Variants in OR2T11 observed in about 807,000 individuals in gnomAD.
The protein encoded by OR2T11 is olfactory receptor family 2 subfamily T member 11, also known as olfactory receptor 2T11.
Under a neutral mutation model 13.5 loss-of-function variants are expected in OR2T11, and 14 were observed. The ratio of observed to expected loss-of-function variants is 1.04; its 90% confidence interval spans 0.69 to 1.62. OR2T11 has a LOEUF of 1.62. Among genes scored for constraint, OR2T11 ranks in the 40% most tolerant of loss-of-function variants. OR2T11 has a pLI of 0.00. For synonymous variants in OR2T11, 163 were observed against 154.6 expected (o/e 1.05, Z -0.40); for missense variants, 410 against 389.7 (o/e 1.05, Z -0.44).
At position 248,626,532 on chromosome 1, in the gene OR2T11, G is replaced by A. The variant is rs1402314408; in HGVS notation, c.597C>T (p.Cys199=). The A allele has an allele frequency of 1.9e-6, 3 of 1,567,028 alleles. 1 individual carries two copies. The highest frequency in any genetic ancestry group is 2.6e-6 in the Non-Finnish European group (3 of 1,151,012). ...TSLYETLMYI[C]CVLMLLIPIS... ...TGGGGATGAGCAACATGAGGACACAGCAGATGTACATCAGAGTTTCATACA... is the reference window on the plus strand; with the variant it reads ...TGGGGATGAGCAACATGAGGACACAACAGATGTACATCAGAGTTTCATACA... The change falls in exon 2 of 2, where the codon TGC becomes TGT. Residue 199 remains cysteine (C), a synonymous_variant. Coordinates refer to ENST00000641193, the MANE Select transcript of OR2T11 (RefSeq NM_001001964.2).
chr1:248,627,207 G>T lies in OR2T11; in HGVS notation c.-79C>A. On this transcript the variant is annotated 5_prime_UTR_variant, in exon 2 of 2. Transcript: ENST00000641193. ...GAGGCAAGAGAACACGGTCAAGATG[G>T]GAAAGGTCTGCAGTAGAGGTGACAC... is the stretch of plus-strand genomic sequence containing the variant. 1.2e-6 allele frequency: 1 copy of T among 832,124 alleles called. No homozygotes were observed. The allele number at this position is 832,124 out of a possible 1,614,324, so 51.5% of individuals were successfully genotyped here. A position where few individuals can be genotyped will look rare whatever the true frequency, so the allele number is the denominator to read the frequency against.
intron 1 of OR2T11, among the ~76,000 whole-genome samples, chr1:248,630,388 TAA>T (rs2103103072): frequency 8.2e-5 from 1 of 12,262 alleles, no homozygotes; most frequent in South Asian, 8.2e-3. Context: ...CGCTCTGGTT[TAA>T]AATACTTATA....
rs1389103830 is a variant in OR2T11, at chr1:248,623,898, T to C, written c.*2280A>G. ...CAACCCAGATGTCTCTACTAGCTTATTAACTTACCTCTTCTCCAAGATGAT... is the reference window on the plus strand; with the variant it reads ...CAACCCAGATGTCTCTACTAGCTTACTAACTTACCTCTTCTCCAAGATGAT... On this transcript the variant is annotated 3_prime_UTR_variant, in exon 2 of 2. Coordinates refer to ENST00000641193, the MANE Select transcript of OR2T11 (RefSeq NM_001001964.2). The C allele has an allele frequency of 7.1e-6, 1 of 140,874 alleles. No homozygotes were observed. Among genetic ancestry groups the C allele is most frequent in the Non-Finnish European group, 1.5e-5 (1 of 65,138 alleles). 8.7% of individuals were successfully genotyped at this position (140,874 alleles called of 1,614,324 possible).
intron 1 of OR2T11, among the ~76,000 whole-genome samples, chr1:248,632,382 G>A (rs568156560): frequency 7.2e-6 from 1 of 138,252 alleles, no homozygotes; most frequent in South Asian, 2.3e-4. Context: ...GGCCAACTGT[G>A]TAGTCAGACT....
chr1:248,629,262 G>A (rs1660569989), intron 1 of OR2T11, among the ~76,000 whole-genome samples: 1 of 142,232 alleles, frequency 7.0e-6, no homozygotes, highest in East Asian at 2.0e-4. Flanking sequence ...GCGTGGTGGT[G>A]CACGTCAGTC....
rs566664835 is a variant in OR2T11, at chr1:248,628,774, C to T, written c.-144-1502G>A. ...TTAAATTGGCTTACTCCCAATTTCC[C>T]TCTGATTGATATATTCATATTACTG... On this transcript the variant is annotated intron_variant, in intron 1 of 1. Transcript: ENST00000641193. 1.4e-5 allele frequency among the ~76,000 whole-genome samples: 2 copies of T among 142,384 alleles called. 1 individual carries two copies. Among genetic ancestry groups the T allele is most frequent in the African/African-American group, 5.6e-5 (2 of 36,010 alleles). 93.4% of individuals were successfully genotyped at this position (142,384 alleles called of 152,430 possible). A position where few individuals can be genotyped will look rare whatever the true frequency, so the allele number is the denominator to read the frequency against.
intron 1 of OR2T11, among the ~76,000 whole-genome samples, chr1:248,629,551 ATCCC>A (rs1487631440): frequency 7.1e-6 from 1 of 140,392 alleles, no homozygotes; most frequent in Non-Finnish European, 1.5e-5. Context: ...TGTCTCATGA[ATCCC>A]TCCAAGTCTA....
At position 248,626,499 on chromosome 1, in the gene OR2T11, G is replaced by T; in HGVS notation, c.630C>A (p.Ile210=). The T allele has an allele frequency of 6.4e-7, 1 of 1,572,092 alleles. No homozygotes were observed. Among genetic ancestry groups the T allele is most frequent in the Non-Finnish European group, 8.7e-7 (1 of 1,155,752 alleles). Residue 210 remains isoleucine (I), a synonymous_variant, in exon 2 of 2, where the codon ATC becomes ATA. Coordinates refer to ENST00000641193, the MANE Select transcript of OR2T11 (RefSeq NM_001001964.2). ...AGATGAGGGAGTAGGAAGTGGAGAT[G>T]ATAGAGATGGGGATGAGCAACATGA... ...CVLMLLIPIS[I]ISTSYSLILL... is the part of the protein sequence containing the mutation.
In OR2T11 at chr1:248,631,415, CAG is replaced by C. The variant is rs1287403479; in HGVS notation, c.-145+3621_-145+3622del. 5.6e-5 allele frequency among the ~76,000 whole-genome samples: 8 copies of C among 143,058 alleles called. 1 individual carries two copies. The highest frequency in any genetic ancestry group is 2.2e-4 in the African/African-American group (8 of 36,220). The allele number at this position is 143,058 out of a possible 152,430, so 93.9% of individuals were successfully genotyped here. On this transcript the variant is annotated intron_variant, in intron 1 of 1. Coordinates refer to ENST00000641193, the MANE Select transcript of OR2T11 (RefSeq NM_001001964.2). Reference sequence around the variant, plus strand: ...TCTCACAGCTGGTAAAACTGAGGCTCAGAGTCAGGTGGGAGGAGCTGGATCCA... The same window carrying C: ...TCTCACAGCTGGTAAAACTGAGGCTCAGTCAGGTGGGAGGAGCTGGATCCA...
rs1371462200 is a variant in OR2T11, at chr1:248,624,349, T to TC, written c.*1828dup. ...TACTCAACTTACCTTATCCACTTCC[T>TC]CCCCCTTGATTTTACCCTGAATCAT... On this transcript the variant is annotated 3_prime_UTR_variant, in exon 2 of 2. Transcript: ENST00000641193. 3 of 142,728 alleles carry TC rather than the reference T, an allele frequency of 2.1e-5. No individual in the cohort carries two copies. The highest frequency in any genetic ancestry group is 1.4e-4 in the Admixed American group (2 of 14,636). The allele number at this position is 142,728 out of a possible 1,614,324, so 8.8% of individuals were successfully genotyped here. A position where few individuals can be genotyped will look rare whatever the true frequency, so the allele number is the denominator to read the frequency against.
rs1425394116 is a variant in OR2T11, at chr1:248,626,796, G to C, written c.333C>G (p.Leu111=). 1.3e-6 allele frequency: 2 copies of C among 1,569,914 alleles called. No individual in the cohort carries two copies. The highest frequency in any genetic ancestry group is 4.6e-5 in the East Asian group (2 of 43,654). Residue 111 remains leucine (L), a synonymous_variant, in exon 2 of 2, where the codon CTC becomes CTG. Transcript: ENST00000641193. ...YLTMIGSEFF[L]LGLMAYDCYV... Reference sequence around the variant, plus strand: ...AGCAGTCATAGGCCATGAGGCCCAGGAGGAAGAACTCAGAACCAATCATGG... The same window carrying C: ...AGCAGTCATAGGCCATGAGGCCCAGCAGGAAGAACTCAGAACCAATCATGG...
chr1:248,626,123 A>G lies in OR2T11; in HGVS notation c.*55T>C. 2.0e-6 allele frequency: 2 copies of G among 979,338 alleles called. 1 individual carries two copies. Among genetic ancestry groups the G allele is most frequent in the Non-Finnish European group, 3.1e-6 (2 of 635,148 alleles). The allele number at this position is 979,338 out of a possible 1,614,324, so 60.7% of individuals were successfully genotyped here. On this transcript the variant is annotated 3_prime_UTR_variant, in exon 2 of 2. Transcript: ENST00000641193. The stretch of plus-strand genomic sequence containing the variant: ...TAGCTGAGCAGATCATCTCCAGGGA[A>G]ACAGGGCAAATGGAGGAAGTCCTTA...
rs1660513494 is a variant in OR2T11, at chr1:248,626,179, T to TA, written c.949dup (p.Ter317LeufsTer12). On this transcript the variant is annotated frameshift_variant and stop_lost, in exon 2 of 2. Coordinates refer to ENST00000641193, the MANE Select transcript of OR2T11 (RefSeq NM_001001964.2). LOFTEE classifies it high-confidence loss of function. Reference sequence around the variant, plus strand: ...CCTTATCCTCTGGGCAGTGACTCTCTAAGCATCACTTGTTGCTACTTTCTG... The same window carrying TA: ...CCTTATCCTCTGGGCAGTGACTCTCTAAAGCATCACTTGTTGCTACTTTCTG... 3 of 1,460,060 alleles carry TA rather than the reference T, an allele frequency of 2.1e-6. 1 individual carries two copies. The South Asian group carries it at 3.5e-5, about 17-fold the overall frequency. The allele number at this position is 1,460,060 out of a possible 1,614,324, so 90.4% of individuals were successfully genotyped here. A position where few individuals can be genotyped will look rare whatever the true frequency, so the allele number is the denominator to read the frequency against.
chr1:248,626,799 G>A lies in OR2T11; in HGVS notation c.330C>T (p.Phe110=). The A allele has an allele frequency of 1.9e-6, 3 of 1,569,708 alleles. No homozygotes were observed. The highest frequency in any genetic ancestry group is 2.6e-6 in the Non-Finnish European group (3 of 1,154,946). The change falls in exon 2 of 2, where the codon TTC becomes TTT. Residue 110 remains phenylalanine, a synonymous_variant. Transcript: ENST00000641193. ...LYLTMIGSEF[F]LLGLMAYDCY... is the part of the protein sequence containing the mutation. ...AGTCATAGGCCATGAGGCCCAGGAG[G>A]AAGAACTCAGAACCAATCATGGTCA...
In OR2T11 at chr1:248,626,245, A is replaced by G. The variant is rs764710178; in HGVS notation, c.884T>C (p.Ile295Thr). ...TGCAAATACCTTTTTAAATGCCCCTATGACGTCCTTGTTTCTGAGGCTGTA... is the reference window on the plus strand; with the variant it reads ...TGCAAATACCTTTTTAAATGCCCCTGTGACGTCCTTGTTTCTGAGGCTGTA... ...LIYSLRNKDVIGAFKKVFACC... is the reference protein window; with the variant it reads ...LIYSLRNKDVTGAFKKVFACC... Residue 295 changes from isoleucine to threonine, a missense_variant, in exon 2 of 2, where the codon ATA becomes ACA. Physicochemically the swap from Ile to Thr is moderately conservative, Grantham distance 89. Coordinates refer to ENST00000641193, the MANE Select transcript of OR2T11 (RefSeq NM_001001964.2). The G allele has an allele frequency of 3.8e-6, 6 of 1,569,192 alleles. 1 individual carries two copies. In the South Asian group the frequency reaches 4.5e-5, roughly 12 times the overall value.
At position 248,626,037 on chromosome 1, in the gene OR2T11, C is replaced by A; in HGVS notation, c.*141G>T. 1.8e-6 allele frequency: 1 copy of A among 560,686 alleles called. No individual in the cohort carries two copies. Among genetic ancestry groups the A allele is most frequent in the Non-Finnish European group, 3.2e-6 (1 of 314,912 alleles). The allele number at this position is 560,686 out of a possible 1,614,324, so 34.7% of individuals were successfully genotyped here. ...CAGTAAAACATCTTTCCCTTGCTCC[C>A]GAGGAGCAAGAATCCAGACAGGGTG... is the stretch of plus-strand genomic sequence containing the variant. On this transcript the variant is annotated 3_prime_UTR_variant, in exon 2 of 2. Transcript: ENST00000641193.
Position 248,626,602 on chromosome 1 carries a change from CAG to C in OR2T11, c.525_526del (p.Phe175LeufsTer2). 6.4e-7 allele frequency: 1 copy of C among 1,573,216 alleles called. No individual in the cohort carries two copies. Among genetic ancestry groups the C allele is most frequent in the East Asian group, 2.3e-5 (1 of 43,656 alleles). ...CAGTTTCAGAACTGCTGGGATCTCA[CAG>C]AAAAAATGGTTGATACTTCGGGAGC... On this transcript the variant is annotated frameshift_variant, in exon 2 of 2. Coordinates refer to ENST00000641193, the MANE Select transcript of OR2T11 (RefSeq NM_001001964.2). LOFTEE classifies it high-confidence loss of function.
intron 1 of OR2T11, among the ~76,000 whole-genome samples, chr1:248,629,233 T>C (rs1660569374): frequency 7.1e-6 from 1 of 141,620 alleles, no homozygotes; most frequent in East Asian, 2.0e-4. Context: ...AGAGCTCGTC[T>C]TTATAAAAAA....
chr1:248,631,537 C>A (rs2103103576), intron 1 of OR2T11, among the ~76,000 whole-genome samples: 1 of 143,388 alleles, frequency 7.0e-6, no homozygotes, highest in East Asian at 2.0e-4. Flanking sequence ...CTTCCGTTTA[C>A]AACCAGCCAA....
Sources: allele counts gnomAD v4.1 joint callset (sites outside exome capture counted in the v4.1 genomes callset), GRCh38; gene constraint gnomAD v4.1.1; transcripts MANE v1.5; gene names NCBI Gene and HGNC (gene_info 2026-07-23, HGNC 2026-07-21).